CADM2: variants seen among roughly 807,000 people sequenced by gnomAD.
The protein encoded by CADM2 is immunoglobulin superfamily member 4D.
CADM2 carries 12 observed loss-of-function variants against 49.8 expected under a neutral mutation model. The observed-to-expected ratio is 0.24, with a 90% CI of 0.15 to 0.39. The LOEUF (loss-of-function observed/expected upper bound fraction) is 0.39, where lower values mean the gene tolerates loss of function less well. CADM2 is among the 10% of genes least tolerant of loss of function. The pLI, the probability that CADM2 is intolerant of heterozygous loss-of-function variation, is 1.00. For missense variants in CADM2, 378 were observed against 492.3 expected, an observed-to-expected ratio of 0.77 and a Z score of 2.20; for synonymous variants, 214 against 175.4, an observed-to-expected ratio of 1.22 and a Z score of -1.74.
At position 85,674,559 on chromosome 3, in the gene CADM2, C is replaced by A. The variant is rs186255705; in HGVS notation, c.62-51963C>A. On this transcript the variant is annotated intron_variant, in intron 1 of 9. Coordinates refer to ENST00000383699, the MANE Select transcript of CADM2 (RefSeq NM_001167675.2). The stretch of plus-strand genomic sequence containing the variant: ...TTTTCGTTTATTTTTGATTTAGCTT[C>A]CTTACTATGACTTTTTAGTTTTTGA... Among the ~76,000 whole-genome samples the A allele has an allele frequency of 1.4e-3, 217 of 152,180 alleles. 1 individual carries two copies. Among genetic ancestry groups the A allele is most frequent in the African/African-American group, 5.1e-3 (210 of 41,538 alleles).
intron 1 of CADM2, among the ~76,000 whole-genome samples, chr3:85,638,355 A>T (rs1308487871): frequency 2.0e-5 from 3 of 152,132 alleles, no homozygotes; most frequent in Admixed American, 2.0e-4. Context: ...TGTTTCCTAA[A>T]TTCTTCTCTC....
At chr3:85,995,425 G>A (rs1043167731) in intron 8 of CADM2, among the ~76,000 whole-genome samples, 1 of 151,982 alleles carries the variant, frequency 6.6e-6, no homozygotes, top group Non-Finnish European at 1.5e-5. Context: ...TGACACTCAA[G>A]GTATGATGAT....
chr3:85,105,438 A>G (rs995631366), intron 1 of CADM2, among the ~76,000 whole-genome samples: 2 of 152,192 alleles, frequency 1.3e-5, no homozygotes, highest in African/African-American at 4.8e-5. Flanking sequence ...TTAAAAAGTC[A>G]GGAAACAACA....
chr3:85,334,986 A>G (rs1226590620), intron 1 of CADM2, among the ~76,000 whole-genome samples: 1 of 151,438 alleles, frequency 6.6e-6, no homozygotes. Context: ...GTGACAGGAA[A>G]GTAAACTAGC....
intron 1 of CADM2, among the ~76,000 whole-genome samples, chr3:85,388,500 CAT>C (rs2034357893): frequency 6.6e-6 from 1 of 152,072 alleles, no homozygotes; most frequent in Non-Finnish European, 1.5e-5. Context: ...GAAACAGCTA[CAT>C]ATGTGTGTGT....
intron 1 of CADM2, among the ~76,000 whole-genome samples, chr3:85,552,675 C>T (rs754597464): frequency 7.0e-5 from 10 of 143,266 alleles, no homozygotes; most frequent in Middle Eastern, 5.2e-3. Flanking sequence ...CCAATGCGCC[C>T]GGCCCTTGTT....
At chr3:85,993,605 T>TA (rs960948686) in intron 8 of CADM2, 2 of 152,150 alleles carry the variant, frequency 1.3e-5, no homozygotes, top group Non-Finnish European at 2.9e-5. Flanking sequence ...GCTATAGCTT[T>TA]AAAAAATGTA....
chr3:85,066,967 T>C (rs1256446168), intron 1 of CADM2, among the ~76,000 whole-genome samples: 1 of 152,126 alleles, frequency 6.6e-6, no homozygotes, highest in Non-Finnish European at 1.5e-5. Flanking sequence ...GGGCAGGATA[T>C]TTGGTTTTCG....
At chr3:85,731,082 A>C (rs1314849721) in intron 2 of CADM2, among the ~76,000 whole-genome samples, 1 of 152,158 alleles carries the variant, frequency 6.6e-6, no homozygotes, top group African/African-American at 2.4e-5. Flanking sequence ...GTCATACATA[A>C]TATTATCACA....
chr3:85,614,080 C>A, intron 1 of CADM2, among the ~76,000 whole-genome samples: 1 of 151,108 alleles, frequency 6.6e-6, no homozygotes. Flanking sequence ...ATGTTGAAAA[C>A]AATTAAAATA....
intron 1 of CADM2, among the ~76,000 whole-genome samples, chr3:85,361,410 G>T (rs992378580): frequency 1.3e-5 from 2 of 152,128 alleles, no homozygotes; most frequent in African/African-American, 2.4e-5. Flanking sequence ...CTCAGGGGCT[G>T]CCTTAGCCTA....
intron 6 of CADM2, among the ~76,000 whole-genome samples, chr3:85,934,350 A>G (rs1720944992): frequency 6.6e-6 from 1 of 152,084 alleles, no homozygotes; most frequent in Non-Finnish European, 1.5e-5. Flanking sequence ...ATCCTAGTCA[A>G]TAACTGATTC....
At chr3:85,933,947 G>C (rs1384428911) in intron 6 of CADM2, among the ~76,000 whole-genome samples, 3 of 152,052 alleles carry the variant, frequency 2.0e-5, no homozygotes, top group Non-Finnish European at 2.9e-5. Context: ...GCTCTACTCA[G>C]TCTACCAACT....
rs1023987620 is a variant in CADM2 at position 85,651,585 on chromosome 3, T to A, written c.62-74937T>A. On this transcript the variant is annotated intron_variant, in intron 1 of 9. Transcript: ENST00000383699. ...TAAAAAGACAAATCACAATTTCTGA[T>A]ATAACAAAGAAATTGAAAAGAGAGT... Among the ~76,000 whole-genome samples the A allele has an allele frequency of 7.9e-5, 12 of 152,162 alleles. No homozygotes were observed. In the East Asian group the frequency reaches 2.3e-3, roughly 29 times the overall value.
chr3:85,280,998 GA>G (rs1160293018), intron 1 of CADM2, among the ~76,000 whole-genome samples: 3 of 151,712 alleles, frequency 2.0e-5, no homozygotes, highest in South Asian at 2.1e-4. Flanking sequence ...ATAAGTTCAG[GA>G]AAAAAATAAA....
chr3:85,844,472 C>T (rs2074789559), intron 3 of CADM2, among the ~76,000 whole-genome samples: 1 of 151,712 alleles, frequency 6.6e-6, no homozygotes, highest in Non-Finnish European at 1.5e-5. Flanking sequence ...CAATATATAC[C>T]CCTAAAATGA....
intron 1 of CADM2, among the ~76,000 whole-genome samples, chr3:85,393,736 TG>T (rs557821490): frequency 1.2e-3 from 184 of 152,048 alleles, no homozygotes; most frequent in African/African-American, 4.4e-3. Flanking sequence ...TAACCCCTTT[TG>T]TGCGTAAATC....
At chr3:85,401,969 C>A (rs2035134315) in intron 1 of CADM2, among the ~76,000 whole-genome samples, 1 of 152,118 alleles carries the variant, frequency 6.6e-6, no homozygotes, top group Non-Finnish European at 1.5e-5. Context: ...ACTAATGCTA[C>A]AATTATTCTT....
intron 1 of CADM2, among the ~76,000 whole-genome samples, chr3:85,295,250 C>T (rs1157484897): frequency 2.6e-5 from 4 of 152,038 alleles, no homozygotes; most frequent in Non-Finnish European, 4.4e-5. Flanking sequence ...GATACCATCT[C>T]ACACCAGTTA....
Sources: allele counts gnomAD v4.1 joint callset (sites outside exome capture counted in the v4.1 genomes callset), GRCh38; gene constraint gnomAD v4.1.1; transcripts MANE v1.5; gene names NCBI Gene and HGNC (gene_info 2026-07-23, HGNC 2026-07-21).